The following DPP6 variants were observed in gnomAD, a reference collection of about 807,000 sequenced individuals.
DPP6 encodes A-type potassium channel modulatory protein DPP6.
DPP6 carries 69 observed loss-of-function variants against 122.6 expected under a neutral mutation model. The ratio of observed to expected loss-of-function variants is 0.56; its 90% confidence interval spans 0.46 to 0.69. DPP6 has a LOEUF of 0.69. Ranked by LOEUF, DPP6 falls within the 30% of genes least tolerant of loss-of-function variation. The pLI is 0.00. For missense variants in DPP6, 928 were observed against 1,116.9 expected (o/e 0.83, Z 2.41); for synonymous variants, 418 against 433.1 (o/e 0.97, Z 0.43).
At chr7:154,748,190 C>T (rs1305891523) in intron 8 of DPP6, among the ~76,000 whole-genome samples, 1 of 152,224 alleles carries the variant, frequency 6.6e-6, no homozygotes, top group Non-Finnish European at 1.5e-5. Context: ...TGGGCATCCT[C>T]TCTGCACAGG....
intron 1 of DPP6, among the ~76,000 whole-genome samples, chr7:154,197,790 G>A (rs577261776): frequency 6.6e-6 from 1 of 152,320 alleles, no homozygotes; most frequent in Non-Finnish European, 1.5e-5. Context: ...AATTTAGAAT[G>A]TCGTTGCTTT....
In DPP6 at chr7:154,877,335, C is replaced by A. The variant is rs1312798826; in HGVS notation, c.2078+1235C>A. ...CGGGAGAGCTCTCAGGACTCAGATACTCAGGGAAGGAGTGTCTGCCAGGAT... is the reference window on the plus strand; with the variant it reads ...CGGGAGAGCTCTCAGGACTCAGATAATCAGGGAAGGAGTGTCTGCCAGGAT... On this transcript the variant is annotated intron_variant, in intron 20 of 25. Coordinates refer to ENST00000377770, the MANE Select transcript of DPP6 (RefSeq NM_130797.4). This position sits in a 1 kb window ranked among gnomAD's most constrained non-coding sequence, Gnocchi z 5.2. Among the ~76,000 whole-genome samples, 1 of 152,066 alleles carries A rather than the reference C, an allele frequency of 6.6e-6. No homozygotes were observed. The highest frequency in any genetic ancestry group is 1.5e-5 in the Non-Finnish European group (1 of 68,006).
intron 1 of DPP6, among the ~76,000 whole-genome samples, chr7:154,435,895 G>A (rs1159482649): frequency 6.6e-6 from 1 of 152,172 alleles, no homozygotes; most frequent in African/African-American, 2.4e-5. Flanking sequence ...AGATCCTGCA[G>A]TCATGTATGT....
rs145157977 is a variant in DPP6, at chr7:153,897,239, C to T, written c.51+9505C>T. 6.4e-3 allele frequency among the ~76,000 whole-genome samples: 967 copies of T among 152,270 alleles called. 14 individuals carry two copies. Among genetic ancestry groups the T allele is most frequent in the Non-Finnish European group, 5.7e-3 (389 of 68,030 alleles). On this transcript the variant is annotated intron_variant, in intron 1 of 25. Coordinates refer to the DPP6 transcript ENST00000404039. The stretch of plus-strand genomic sequence containing the variant: ...CTGAGGTGCTGACCCATTTCCAGCC[C>T]AGGTTCTTTGCACACCACAATGTAT...
At position 154,601,815 on chromosome 7, in the gene DPP6, G is replaced by A. The variant is rs1208589537; in HGVS notation, c.627+34899G>A. Among the ~76,000 whole-genome samples the A allele has an allele frequency of 5.0e-5, 6 of 120,636 alleles. 2 individuals are homozygous for A. Among genetic ancestry groups the A allele is most frequent in the Non-Finnish European group, 1.1e-4 (6 of 53,570 alleles). 79.1% of individuals were successfully genotyped at this position (120,636 alleles called of 152,430 possible). On this transcript the variant is annotated intron_variant, in intron 5 of 25. Coordinates refer to ENST00000377770, the MANE Select transcript of DPP6 (RefSeq NM_130797.4). ...CATTTGTTAGGTATTGTCCAAGGCTGTTTTTGTACTTCCAAAGTAGTTGCA... is the reference window on the plus strand; with the variant it reads ...CATTTGTTAGGTATTGTCCAAGGCTATTTTTGTACTTCCAAAGTAGTTGCA...
At chr7:154,087,709 A>G (rs1281235849) in intron 1 of DPP6, among the ~76,000 whole-genome samples, 2 of 152,208 alleles carry the variant, frequency 1.3e-5, no homozygotes, top group Non-Finnish European at 2.9e-5. Flanking sequence ...CTAGCCAGAC[A>G]TGGTTCTCTG....
chr7:153,839,841 C>T, the DPP6 span, among the ~76,000 whole-genome samples: 1 of 152,160 alleles, frequency 6.6e-6, no homozygotes, highest in East Asian at 1.9e-4. Context: ...TTCTAGGATC[C>T]AAAAATGTGT....
intron 1 of DPP6, among the ~76,000 whole-genome samples, chr7:154,313,715 A>ATATATATATATATATATATG (rs1563460487): frequency 1.1e-4 from 4 of 35,794 alleles, no homozygotes; most frequent in Admixed American, 3.0e-4. Flanking sequence ...ATATATATAT[A>ATATATATATATATATATATG]CACACACACG....
intron 1 of DPP6, among the ~76,000 whole-genome samples, chr7:154,388,500 C>T (rs535802678): frequency 1.6e-4 from 24 of 152,286 alleles, no homozygotes; most frequent in African/African-American, 5.3e-4. Flanking sequence ...GGATATGCGA[C>T]TCTGAGATTT....
rs527564204 is a variant in DPP6, at chr7:154,711,652, G to A, written c.763-16115G>A. 4.3e-3 allele frequency among the ~76,000 whole-genome samples: 230 copies of A among 53,246 alleles called. 2 individuals are homozygous for A. The highest frequency in any genetic ancestry group is 9.0e-3 in the African/African-American group (210 of 23,230). The allele number at this position is 53,246 out of a possible 152,430, so 34.9% of individuals were successfully genotyped here. On this transcript the variant is annotated intron_variant, in intron 7 of 25. Transcript: ENST00000377770. ...ATTCAGGGTTCCATTTCAAGTCCAA[G>A]GTTCTTTCTTTTTTATCATCTCACC...
At chr7:154,631,876 T>C (rs997856367) in intron 5 of DPP6, among the ~76,000 whole-genome samples, 3 of 152,116 alleles carry the variant, frequency 2.0e-5, no homozygotes, top group Non-Finnish European at 4.4e-5. Context: ...GGTATGAGCT[T>C]AGTCTTGCAA....
In DPP6 at chr7:154,566,558, TG is replaced by T. The variant is rs369116067; in HGVS notation, c.553-281del. 1.8e-3 allele frequency among the ~76,000 whole-genome samples: 269 copies of T among 152,316 alleles called. 3 individuals are homozygous for T. The highest frequency in any genetic ancestry group is 6.0e-3 in the African/African-American group (249 of 41,566). Reference sequence around the variant, plus strand: ...CACCCACCTCGGCCTCCCAAAGTGCTGGGATTACAGGTGTGAGCCAGTGCAC... The same window carrying T: ...CACCCACCTCGGCCTCCCAAAGTGCTGGATTACAGGTGTGAGCCAGTGCAC... On this transcript the variant is annotated intron_variant, in intron 4 of 25. Transcript: ENST00000377770.
At chr7:153,864,748 A>G in the DPP6 span, among the ~76,000 whole-genome samples, 2 of 151,602 alleles carry the variant, frequency 1.3e-5, no homozygotes, top group East Asian at 3.9e-4. Flanking sequence ...TTAACAGGGA[A>G]AATATAATGT....
At chr7:154,616,429 C>T (rs976575563) in intron 5 of DPP6, among the ~76,000 whole-genome samples, 1 of 152,144 alleles carries the variant, frequency 6.6e-6, no homozygotes, top group Non-Finnish European at 1.5e-5. Flanking sequence ...CTAACGCCCC[C>T]CTCCCCTCCT....
chr7:154,213,941 A>C (rs1421872498), intron 1 of DPP6, among the ~76,000 whole-genome samples: 1 of 152,156 alleles, frequency 6.6e-6, no homozygotes, highest in African/African-American at 2.4e-5. Context: ...CTCCCTGCTC[A>C]CCAGTAACAT....
intron 1 of DPP6, among the ~76,000 whole-genome samples, chr7:154,390,707 C>T (rs1306981081): frequency 6.6e-6 from 1 of 152,160 alleles, no homozygotes; most frequent in African/African-American, 2.4e-5. Context: ...CGGGGCTTAG[C>T]TGGGCCATCG....
At chr7:153,894,019 A>T (rs77716098) in intron 1 of DPP6, among the ~76,000 whole-genome samples, 277 of 152,220 alleles carry the variant, frequency 1.8e-3, no homozygotes, top group African/African-American at 6.4e-3. Context: ...GCTTGTGGGA[A>T]ATTTAATTCT....
At chr7:153,977,002 G>A (rs1282952438) in intron 1 of DPP6, among the ~76,000 whole-genome samples, 7 of 152,210 alleles carry the variant, frequency 4.6e-5, no homozygotes, top group African/African-American at 1.4e-4. Context: ...TGCTGTGCAC[G>A]GTAGCCCCAC....
At chr7:154,734,540 T>C (rs780753997) in intron 8 of DPP6, among the ~76,000 whole-genome samples, 1 of 152,250 alleles carries the variant, frequency 6.6e-6, no homozygotes, top group Non-Finnish European at 1.5e-5. Flanking sequence ...GGAATTGGAA[T>C]GATGTTCAAA....
Sources: gnomAD v4.1 joint callset for allele counts (sites outside exome capture counted in the v4.1 genomes callset) on GRCh38, gnomAD v4.1.1 for gene constraint, Gnocchi (gnomAD v3.1) non-coding constraint, MANE v1.5 for transcripts, NCBI Gene and HGNC (gene_info 2026-07-23, HGNC 2026-07-21) for gene names.